The following ERLEC1 variants were observed in gnomAD, a reference collection of about 807,000 sequenced individuals.
ERLEC1 encodes endoplasmic reticulum lectin 1.
In ERLEC1, 47 loss-of-function variants were observed where a neutral mutation model predicts 68.0. The ratio of observed to expected loss-of-function variants is 0.69; its 90% confidence interval spans 0.55 to 0.88. ERLEC1 has a LOEUF of 0.88. Ranked by LOEUF, ERLEC1 falls within the 40% of genes least tolerant of loss-of-function variation. The probability of loss-of-function intolerance (pLI) is 0.00; values close to 1 mark genes in which losing one functional copy is unlikely to be tolerated. For synonymous variants in ERLEC1, 225 were observed against 203.2 expected (o/e 1.11, Z -0.91); for missense variants, 567 against 583.8 (o/e 0.97, Z 0.30).
At chr2:53,795,820 T>C in intron 2 of ERLEC1, 113 bp from the exon 3 acceptor site, 1 of 684,664 alleles carries the variant, frequency 1.5e-6, no homozygotes, top group Non-Finnish European at 2.4e-6. Flanking sequence ...TTGACTTTTT[T>C]TTCTCTTTTA....
Position 53,804,226 on chromosome 2 carries a change from C to T in ERLEC1, c.879+2384C>T, listed in dbSNP as rs542370481. Among the ~76,000 whole-genome samples the T allele has an allele frequency of 2.0e-5, 3 of 152,184 alleles. No individual in the cohort carries two copies. In the East Asian group the frequency reaches 5.8e-4, roughly 29 times the overall value. ...AGCAGGTGTATATATTTATGGAGTACATGAGATATTTTACATATACTCTTT... is the reference window on the plus strand; with the variant it reads ...AGCAGGTGTATATATTTATGGAGTATATGAGATATTTTACATATACTCTTT... On this transcript the variant is annotated intron_variant, in intron 8 of 13. Transcript: ENST00000185150.
At chr2:53,790,365 TG>T (rs1263610603) in intron 1 of ERLEC1, among the ~76,000 whole-genome samples, 1 of 152,160 alleles carries the variant, frequency 6.6e-6, no homozygotes, top group Non-Finnish European at 1.5e-5. Context: ...CCCAAAGTGC[TG>T]GGATTACAGG....
Position 53,808,281 on chromosome 2 carries a change from G to GT in ERLEC1, c.880-17dup. The GT allele has an allele frequency of 6.2e-7, 1 of 1,610,052 alleles. No individual in the cohort carries two copies. Among genetic ancestry groups the GT allele is most frequent in the Non-Finnish European group, 8.5e-7 (1 of 1,178,866 alleles). ...AAGTTTGGCATGGAAACCCTTAAAC[G>GT]TGTGTGTTTAATTTTAGGAAGATTT... On this transcript the variant is annotated splice_polypyrimidine_tract_variant and intron_variant, in intron 8 of 13. Transcript: ENST00000185150.
At chr2:53,788,563 A>AT (rs763375369) in intron 1 of ERLEC1, 1,540 of 141,464 alleles carry the variant, frequency 0.011, 13 homozygotes, top group African/African-American at 0.026. Context: ...CTCCTGGCTA[A>AT]TTTTTTTTTT....
intron 3 of ERLEC1, among the ~76,000 whole-genome samples, chr2:53,797,280 A>T (rs968481603): frequency 6.6e-6 from 1 of 152,224 alleles, no homozygotes; most frequent in African/African-American, 2.4e-5. Context: ...GGTAATTATT[A>T]CAGACCCCAA....
rs1425304740 is a variant in ERLEC1 at position 53,797,550 on chromosome 2, A to G, written c.384A>G (p.Gly128=). 1.2e-6 allele frequency: 2 copies of G among 1,612,876 alleles called. No homozygotes were observed. The highest frequency in any genetic ancestry group is 1.1e-5 in the South Asian group (1 of 90,590). Residue 128 remains glycine, a synonymous_variant, in exon 4 of 14, where the codon GGA becomes GGG. Transcript: ENST00000185150. ...ESYWTYEVCH[G]KHIRQYHEEK... ...ATTGGACTTACGAAGTATGTCATGG[A>G]AAACACATTCGGCAGTACCATGAAG...
chr2:53,792,754 C>T (rs374158614), intron 1 of ERLEC1, among the ~76,000 whole-genome samples: 76 of 152,268 alleles, frequency 5.0e-4, no homozygotes, highest in African/African-American at 1.7e-3. Flanking sequence ...CAGTGGCTCA[C>T]GCCTGTAATC....
intron 8 of ERLEC1, among the ~76,000 whole-genome samples, chr2:53,803,159 G>A (rs1475161529): frequency 6.6e-6 from 1 of 152,066 alleles, no homozygotes; most frequent in Non-Finnish European, 1.5e-5. Context: ...TAAACCAGAA[G>A]GCAGAAGAAA....
intron 5 of ERLEC1, among the ~76,000 whole-genome samples, chr2:53,798,024 G>T (rs577785271): frequency 6.6e-6 from 1 of 152,012 alleles, no homozygotes; most frequent in Non-Finnish European, 1.5e-5. Context: ...GTGAAACCCC[G>T]TCTCTATTAA....
At chr2:53,814,495 A>G (rs759760773) in intron 11 of ERLEC1, 48 bp from the exon 12 acceptor site, 3 of 1,347,610 alleles carry the variant, frequency 2.2e-6, no homozygotes, top group Non-Finnish European at 3.2e-6. Flanking sequence ...CAATTATTCT[A>G]TTAGTGAGAT....
chr2:53,795,932 G>A lies in ERLEC1; in HGVS notation c.268-1G>A. On this transcript the variant is annotated splice_acceptor_variant, in intron 2 of 13. Coordinates refer to ENST00000185150, the MANE Select transcript of ERLEC1 (RefSeq NM_015701.5). LOFTEE classifies it high-confidence loss of function. ...AGTATTAAACTCCAATTCTTTCTTA[G>A]GAAGAAGAAAAGGATTATAAAGGCC... The A allele has an allele frequency of 6.3e-7, 1 of 1,582,932 alleles. No individual in the cohort carries two copies. Among genetic ancestry groups the A allele is most frequent in the Non-Finnish European group, 8.6e-7 (1 of 1,166,114 alleles).
intron 1 of ERLEC1, among the ~76,000 whole-genome samples, chr2:53,791,551 G>A (rs776516699): frequency 1.6e-4 from 25 of 152,080 alleles, no homozygotes; most frequent in Non-Finnish European, 3.2e-4. Flanking sequence ...AGTAAAGTTT[G>A]CTAAAAATAT....
intron 8 of ERLEC1, among the ~76,000 whole-genome samples, chr2:53,803,135 T>A (rs1302014554): frequency 6.6e-6 from 1 of 152,184 alleles, no homozygotes; most frequent in Non-Finnish European, 1.5e-5. Context: ...TTGTTTTACC[T>A]ATGGATGTTT....
At chr2:53,793,155 A>T (rs1675501932) in intron 1 of ERLEC1, among the ~76,000 whole-genome samples, 1 of 152,238 alleles carries the variant, frequency 6.6e-6, no homozygotes, top group African/African-American at 2.4e-5. Context: ...ATCTTAGAAC[A>T]TGTGTCATAA....
At chr2:53,801,866 C>A in intron 8 of ERLEC1, 24 bp downstream of exon 8, 1 of 1,585,846 alleles carries the variant, frequency 6.3e-7, no homozygotes. Context: ...CTAATGATAG[C>A]TTTTTGGTGC....
intron 1 of ERLEC1, among the ~76,000 whole-genome samples, chr2:53,791,906 TA>T (rs569591198): frequency 0.16 from 18,679 of 117,360 alleles, 1,510 homozygotes; most frequent in East Asian, 0.4. Context: ...AATGCTCTTT[TA>T]AAAAAAAAAA....
chr2:53,808,273 C>A (rs745401152), intron 8 of ERLEC1, 26 bp from the exon 9 acceptor site: 2 of 1,606,576 alleles, frequency 1.2e-6, no homozygotes, highest in African/African-American at 2.7e-5. Flanking sequence ...GCATGGAAAC[C>A]CTTAAACGTG....
chr2:53,798,364 T>C (rs534788061), intron 5 of ERLEC1, among the ~76,000 whole-genome samples: 14 of 151,690 alleles, frequency 9.2e-5, no homozygotes, highest in African/African-American at 3.4e-4. Context: ...TGGGCTCAAG[T>C]GATCCTCCTG....
chr2:53,809,382 T>G, intron 10 of ERLEC1, 109 bp downstream of exon 10: 1 of 789,200 alleles, frequency 1.3e-6, no homozygotes, highest in East Asian at 3.0e-5. Context: ...GAGATGATTT[T>G]AATATGATTA....
Sources: gnomAD v4.1 joint callset for allele counts (sites outside exome capture counted in the v4.1 genomes callset) on GRCh38, gnomAD v4.1.1 for gene constraint, MANE v1.5 for transcripts, NCBI Gene and HGNC (gene_info 2026-07-23, HGNC 2026-07-21) for gene names.